The following PNPT1 variants were observed in gnomAD, a reference collection of about 807,000 sequenced individuals.
PNPT1 encodes polyribonucleotide nucleotidyltransferase 1.
A neutral mutation model predicts 119.5 loss-of-function variants in PNPT1; 53 were observed. The ratio of observed to expected loss-of-function variants is 0.44; its 90% CI spans 0.36 to 0.56. The LOEUF is 0.56. PNPT1 is among the 20% of genes least tolerant of loss of function. The probability of loss-of-function intolerance (pLI) is 0.00; values close to 1 mark genes in which losing one functional copy is unlikely to be tolerated. For synonymous variants in PNPT1, 357 were observed against 322.1 expected, an observed-to-expected ratio of 1.11 and a Z score of -1.16; for missense variants, 948 against 938.5, an observed-to-expected ratio of 1.01 and a Z score of -0.13.
chr2:55,643,363 T>C lies in PNPT1; in HGVS notation c.1969A>G (p.Met657Val), dbSNP rs766570634. ...GTAATGAAGTCTCTTGCCTCATGCA[T>C]AGCACTGGGTGTTGGTGCAAATACA... ...FSVFAPTPSA[M>V]HEARDFITEI... The change falls in exon 24 of 28, where the codon ATG (methionine) becomes GTG (valine). Residue 657 changes from methionine (M) to valine (V), a missense_variant. Met to Val is a conservative substitution (Grantham distance 21, BLOSUM62 1). Transcript: ENST00000447944. 1.9e-6 allele frequency: 3 copies of C among 1,614,236 alleles called. No homozygotes were observed. The South Asian group carries it at 3.3e-5, about 18-fold the overall frequency.
intron 5 of PNPT1, among the ~76,000 whole-genome samples, chr2:55,682,446 G>A (rs1018272458): frequency 6.6e-6 from 1 of 152,084 alleles, no homozygotes; most frequent in South Asian, 2.1e-4. Context: ...GGGTGACAGA[G>A]GGAGACTCTG....
intron 13 of PNPT1, among the ~76,000 whole-genome samples, chr2:55,664,092 C>T (rs919516767): frequency 6.6e-6 from 1 of 152,140 alleles, no homozygotes; most frequent in Non-Finnish European, 1.5e-5. Flanking sequence ...TAAAAAGCAC[C>T]AGAAATGGTA....
At chr2:55,692,237 C>T (rs536044609) in intron 1 of PNPT1, among the ~76,000 whole-genome samples, 20 of 151,910 alleles carry the variant, frequency 1.3e-4, no homozygotes, top group African/African-American at 4.8e-4. Flanking sequence ...CAGTGTGTAC[C>T]CCAAAAAGCC....
intron 13 of PNPT1, among the ~76,000 whole-genome samples, chr2:55,665,069 CT>C (rs372099359): frequency 8.7e-4 from 132 of 152,132 alleles, no homozygotes; most frequent in Non-Finnish European, 1.6e-3. Flanking sequence ...AAATATACCC[CT>C]AAATCATAAT....
At chr2:55,649,631 T>C (rs1447253743) in intron 18 of PNPT1, among the ~76,000 whole-genome samples, 1 of 152,210 alleles carries the variant, frequency 6.6e-6, no homozygotes, top group Non-Finnish European at 1.5e-5. Context: ...TCACTTAAGC[T>C]GGGAAAAACT....
At chr2:55,654,216 C>G (rs1696308123) in intron 18 of PNPT1, among the ~76,000 whole-genome samples, 1 of 147,110 alleles carries the variant, frequency 6.8e-6, no homozygotes, top group Non-Finnish European at 1.5e-5. Context: ...GAGACTGCAC[C>G]ACTGCACTTC....
intron 8 of PNPT1, among the ~76,000 whole-genome samples, chr2:55,678,513 A>C (rs1052973327): frequency 5.3e-5 from 8 of 152,204 alleles, no homozygotes; most frequent in African/African-American, 1.9e-4. Flanking sequence ...CAACTGCCAC[A>C]CACCTTTTTG....
chr2:55,693,602 C>G (rs1413443024), intron 1 of PNPT1, 61 bp downstream of exon 1: 7 of 1,591,686 alleles, frequency 4.4e-6, no homozygotes, highest in Non-Finnish European at 6.0e-6. Context: ...GAGATGAATA[C>G]GCTCAAGCTG....
intron 23 of PNPT1, 77 bp from the exon 24 acceptor site, chr2:55,643,502 TG>T (rs1014630321): frequency 2.4e-6 from 3 of 1,275,584 alleles, no homozygotes; most frequent in Admixed American, 3.5e-5. Context: ...CCCAGCACTC[TG>T]GGGGGCTGAG....
intron 26 of PNPT1, among the ~76,000 whole-genome samples, chr2:55,640,403 C>T (rs1353064651): frequency 1.3e-5 from 2 of 152,210 alleles, no homozygotes; most frequent in Non-Finnish European, 2.9e-5. Flanking sequence ...TCACCCGCCT[C>T]GGACTTCCAG....
At chr2:55,676,393 C>T (rs998114426) in intron 8 of PNPT1, among the ~76,000 whole-genome samples, 2 of 151,652 alleles carry the variant, frequency 1.3e-5, no homozygotes, top group Admixed American at 6.6e-5. Context: ...AAACATGTTA[C>T]TGGTATACTT....
chr2:55,641,141 T>A (rs190895670), intron 25 of PNPT1, among the ~76,000 whole-genome samples: 1 of 152,138 alleles, frequency 6.6e-6, no homozygotes, highest in East Asian at 1.9e-4. Flanking sequence ...GGAGAATTGT[T>A]TGAACCCGAA....
At chr2:55,639,399 C>G (rs1311164350) in intron 26 of PNPT1, among the ~76,000 whole-genome samples, 1 of 152,134 alleles carries the variant, frequency 6.6e-6, no homozygotes, top group Non-Finnish European at 1.5e-5. Context: ...ACCAAACACC[C>G]TCTAAAAAGT....
Position 55,655,011 on chromosome 2 carries a change from G to A in PNPT1, c.1442-58C>T, listed in dbSNP as rs756583111. On this transcript the variant is annotated intron_variant, in intron 17 of 27. Transcript: ENST00000447944. ...ACTGATTTTTTTAATGTAGAAAAGT[G>A]TTACTATTGGTTATTTCCTTATAAA... The A allele has an allele frequency of 7.2e-5, 100 of 1,391,536 alleles. 1 individual carries two copies. In the South Asian group the frequency reaches 8.4e-4, roughly 12 times the overall value. The allele number at this position is 1,391,536 out of a possible 1,614,324, so 86.2% of individuals were successfully genotyped here.
intron 1 of PNPT1, among the ~76,000 whole-genome samples, chr2:55,690,773 G>T (rs1435416158): frequency 6.6e-6 from 1 of 152,100 alleles, no homozygotes; most frequent in Non-Finnish European, 1.5e-5. Context: ...TTATAATGAT[G>T]AAAGCCTACA....
At chr2:55,653,762 G>C (rs1308219960) in intron 18 of PNPT1, among the ~76,000 whole-genome samples, 2 of 152,096 alleles carry the variant, frequency 1.3e-5, no homozygotes, top group Non-Finnish European at 2.9e-5. Context: ...AATTTTTCTA[G>C]ATAATATTAT....
chr2:55,655,037 T>C, intron 17 of PNPT1, 84 bp from the exon 18 acceptor site: 1 of 1,255,626 alleles, frequency 8.0e-7, no homozygotes, highest in Non-Finnish European at 1.1e-6. Flanking sequence ...TCCTTATAAA[T>C]ATTCAGTTAC....
chr2:55,677,410 A>G (rs530224779), intron 8 of PNPT1, among the ~76,000 whole-genome samples: 2 of 152,026 alleles, frequency 1.3e-5, no homozygotes, highest in Admixed American at 1.3e-4. Flanking sequence ...CCTAGCCAAC[A>G]TGGCAAAACC....
intron 5 of PNPT1, among the ~76,000 whole-genome samples, chr2:55,682,803 G>C (rs576570831): frequency 6.6e-6 from 1 of 152,176 alleles, no homozygotes; most frequent in Admixed American, 6.5e-5. Flanking sequence ...CAGCTACTTA[G>C]GAGGCTAAAT....
Sources: gnomAD v4.1 joint callset for allele counts (sites outside exome capture counted in the v4.1 genomes callset) on GRCh38, gnomAD v4.1.1 for gene constraint, MANE v1.5 for transcripts, NCBI Gene and HGNC (gene_info 2026-07-23, HGNC 2026-07-21) for gene names.